The following NUAK1 variants were observed in gnomAD, a reference collection of about 807,000 sequenced individuals.
The protein encoded by NUAK1 is NUAK family kinase 1.
A neutral mutation model predicts 56.9 loss-of-function variants in NUAK1; 26 were observed. The ratio of observed to expected loss-of-function variants is 0.46; its 90% CI spans 0.33 to 0.63. The LOEUF (loss-of-function observed/expected upper bound fraction) is 0.63, where lower values mean the gene tolerates loss of function less well. NUAK1 is among the 30% of genes least tolerant of loss of function. The probability of loss-of-function intolerance (pLI) is 0.02; values close to 1 mark genes in which losing one functional copy is unlikely to be tolerated. For synonymous variants in NUAK1, 337 were observed against 336.0 expected, an observed-to-expected ratio of 1.00 and a Z score of -0.03; for missense variants, 727 against 876.1, an observed-to-expected ratio of 0.83 and a Z score of 2.15.
intron 1 of NUAK1, among the ~76,000 whole-genome samples, chr12:106,112,251 C>T (rs1361770298): frequency 6.6e-6 from 1 of 152,082 alleles, no homozygotes; most frequent in African/African-American, 2.4e-5. Flanking sequence ...ATCTCATACC[C>T]AGGCACGTTC....
At chr12:106,135,089 T>C (rs2136487173) in intron 1 of NUAK1, among the ~76,000 whole-genome samples, 1 of 152,340 alleles carries the variant, frequency 6.6e-6, no homozygotes, top group Non-Finnish European at 1.5e-5. Context: ...CTGTATTCAG[T>C]TCTCACAAGT....
intron 5 of NUAK1, 33 bp from the exon 6 acceptor site, chr12:106,070,939 T>C: frequency 6.2e-7 from 1 of 1,612,942 alleles, no homozygotes; most frequent in East Asian, 2.2e-5. Context: ...ATAGGAGAGC[T>C]GGGAAACAGA....
chr12:106,074,706 C>G (rs1006960327), intron 4 of NUAK1, among the ~76,000 whole-genome samples: 1 of 151,934 alleles, frequency 6.6e-6, no homozygotes, highest in African/African-American at 2.4e-5. Flanking sequence ...CAGAGAGAGC[C>G]CAGCCTGAAT....
Position 106,067,474 on chromosome 12 carries a change from A to G in NUAK1, c.1314T>C (p.Thr438=), listed in dbSNP as rs767451366. ...TFKMEQDLCR[T]GVLLPSSPEA... is the part of the protein sequence containing the mutation. ...CTGGTGAGCTTGGGAGGAGCACGCC[A>G]GTCCTGCACAAGTCCTGCTCCATCT... Residue 438 remains threonine, a synonymous_variant, in exon 7 of 7, where the codon ACT becomes ACC. Coordinates refer to ENST00000261402, the MANE Select transcript of NUAK1 (RefSeq NM_014840.3). The surrounding 1 kb of genome is among the most constrained non-coding windows in gnomAD (Gnocchi z 6.0). 6.2e-7 allele frequency: 1 copy of G among 1,614,202 alleles called. No individual in the cohort carries two copies. Among genetic ancestry groups the G allele is most frequent in the East Asian group, 2.2e-5 (1 of 44,876 alleles).
At chr12:106,100,068 C>T (rs545634193) in intron 2 of NUAK1, among the ~76,000 whole-genome samples, 1 of 144,662 alleles carries the variant, frequency 6.9e-6, no homozygotes, top group South Asian at 2.4e-4. Context: ...CACTTGAGCT[C>T]AAGAGTTCGA....
intron 2 of NUAK1, among the ~76,000 whole-genome samples, chr12:106,096,400 G>C (rs1188481925): frequency 1.3e-5 from 2 of 152,236 alleles, no homozygotes; most frequent in East Asian, 3.9e-4. Flanking sequence ...CATTAGAAAC[G>C]TGGCTGGACA....
At chr12:106,106,336 T>C (rs2032799598) in intron 2 of NUAK1, 69 bp downstream of exon 2, 5 of 1,420,212 alleles carry the variant, frequency 3.5e-6, no homozygotes, top group Non-Finnish European at 2.9e-6. Context: ...TATCTCAAAG[T>C]CTTGGCAGGC....
chr12:106,120,948 T>C (rs2032968023), intron 1 of NUAK1, among the ~76,000 whole-genome samples: 1 of 152,214 alleles, frequency 6.6e-6, no homozygotes. Flanking sequence ...CTCTCAGCCC[T>C]AGCAGTGCAT....
intron 1 of NUAK1, among the ~76,000 whole-genome samples, chr12:106,107,524 C>T (rs1592857468): frequency 6.6e-6 from 1 of 152,288 alleles, no homozygotes; most frequent in East Asian, 1.9e-4. Context: ...GTGACCTCAA[C>T]TCTCACCTGT....
In NUAK1 at chr12:106,138,888, A is replaced by T; in HGVS notation, c.-235T>A. ...GCCCCCCGGCCGCGGCGAGCTGTGG[A>T]GCGTCGGGCGAGGTGGCGGCGGTGG... On this transcript the variant is annotated 5_prime_UTR_variant, in exon 1 of 7. Transcript: ENST00000261402. This position sits in a 1 kb window ranked among gnomAD's most constrained non-coding sequence, Gnocchi z 5.0. 1 of 444,218 alleles carries T rather than the reference A, an allele frequency of 2.3e-6. No homozygotes were observed. The highest frequency in any genetic ancestry group is 3.7e-6 in the Non-Finnish European group (1 of 272,770). 27.5% of individuals were successfully genotyped at this position (444,218 alleles called of 1,614,324 possible).
intron 3 of NUAK1, among the ~76,000 whole-genome samples, chr12:106,084,857 A>G (rs1473457349): frequency 6.6e-6 from 1 of 152,244 alleles, no homozygotes; most frequent in Admixed American, 6.5e-5. Flanking sequence ...GATTCTGAAC[A>G]TCATTCAGCA....
At chr12:106,092,268 C>T (rs2032643363) in intron 2 of NUAK1, among the ~76,000 whole-genome samples, 1 of 152,072 alleles carries the variant, frequency 6.6e-6, no homozygotes, top group Admixed American at 6.5e-5. Context: ...CCTGTAATCC[C>T]AGCACTTTGG....
intron 4 of NUAK1, among the ~76,000 whole-genome samples, chr12:106,080,862 G>A (rs1038621747): frequency 3.3e-5 from 5 of 152,224 alleles, no homozygotes; most frequent in African/African-American, 1.2e-4. Flanking sequence ...TGGTCCCCCA[G>A]GTCCAGACAC....
At position 106,067,718 on chromosome 12, in the gene NUAK1, G is replaced by T; in HGVS notation, c.1070C>A (p.Thr357Asn). ...AKMKGLAKPT[T>N]SEVMLERQRS... ...CTGCCGCTCTAGCATGACCTCAGAGGTCGTGGGTTTGGCCAGGCCCTTCAT... is the reference window on the plus strand; with the variant it reads ...CTGCCGCTCTAGCATGACCTCAGAGTTCGTGGGTTTGGCCAGGCCCTTCAT... The change falls in exon 7 of 7, where the codon ACC (threonine) becomes AAC (asparagine). Residue 357 changes from threonine (T) to asparagine (N), a missense_variant. Physicochemically the swap from Thr to Asn is moderately conservative, Grantham distance 65. Coordinates refer to ENST00000261402, the MANE Select transcript of NUAK1 (RefSeq NM_014840.3). The surrounding 1 kb of genome is among the most constrained non-coding windows in gnomAD (Gnocchi z 6.0). The T allele has an allele frequency of 6.2e-7, 1 of 1,614,200 alleles. No homozygotes were observed. Among genetic ancestry groups the T allele is most frequent in the Middle Eastern group, 1.7e-4 (1 of 6,058 alleles).
chr12:106,094,016 C>T (rs2032666883), intron 2 of NUAK1, among the ~76,000 whole-genome samples: 1 of 151,572 alleles, frequency 6.6e-6, no homozygotes, highest in Non-Finnish European at 1.5e-5. Context: ...GCCATGTTGC[C>T]CAGGCTGGTC....
rs563461836 is a variant in NUAK1 at position 106,136,818 on chromosome 12, G to A, written c.240+1596C>T. The stretch of plus-strand genomic sequence containing the variant: ...TTTGCTTATTCAACATCCAGCCTGG[G>A]GAATATCACCTCAGAAGAAAAGCAT... On this transcript the variant is annotated intron_variant, in intron 1 of 6. Transcript: ENST00000261402. 7.2e-5 allele frequency among the ~76,000 whole-genome samples: 11 copies of A among 152,266 alleles called. No homozygotes were observed. The South Asian group carries it at 2.3e-3, about 32-fold the overall frequency.
rs527580132 is a variant in NUAK1 at position 106,095,322 on chromosome 12, T to C, written c.362-8437A>G. 7.9e-5 allele frequency among the ~76,000 whole-genome samples: 12 copies of C among 152,334 alleles called. No individual in the cohort carries two copies. The South Asian group carries it at 2.5e-3, about 32-fold the overall frequency. ...GCATGCTCCCCAATTCTGGCAGTGATGGGGGTAGAAATACCTCTGTGAAGA... is the reference window on the plus strand; with the variant it reads ...GCATGCTCCCCAATTCTGGCAGTGACGGGGGTAGAAATACCTCTGTGAAGA... On this transcript the variant is annotated intron_variant, in intron 2 of 6. Transcript: ENST00000261402.
intron 1 of NUAK1, among the ~76,000 whole-genome samples, chr12:106,130,761 C>CT (rs1424528638): frequency 6.6e-6 from 1 of 152,208 alleles, no homozygotes; most frequent in East Asian, 1.9e-4. Context: ...TGGAGGAGGC[C>CT]TTTTTTTAAT....
Position 106,067,229 on chromosome 12 carries a change from C to T in NUAK1, c.1559G>A (p.Arg520Gln), listed in dbSNP as rs117517173. 167 of 1,613,968 alleles carry T rather than the reference C, an allele frequency of 1.0e-4. No homozygotes were observed. Among genetic ancestry groups the T allele is most frequent in the Non-Finnish European group, 1.2e-4 (142 of 1,180,012 alleles). The change falls in exon 7 of 7, where the codon CGG becomes CAG. Residue 520 changes from arginine to glutamine, a missense_variant. Arg to Gln is a conservative substitution (Grantham distance 43). Coordinates refer to ENST00000261402, the MANE Select transcript of NUAK1 (RefSeq NM_014840.3). This position sits in a 1 kb window ranked among gnomAD's most constrained non-coding sequence, Gnocchi z 6.0. ...ARVTSHSLSC[R>Q]RKGILKHSSK... is the part of the protein sequence containing the mutation. ...GCTGTGTTTCAAGATGCCCTTCCTC[C>T]GGCAGGAGAGGCTGTGGGAGGTTAC... is the stretch of plus-strand genomic sequence containing the variant.
Sources: gnomAD v4.1 joint callset for allele counts (sites outside exome capture counted in the v4.1 genomes callset) on GRCh38, gnomAD v4.1.1 for gene constraint, Gnocchi (gnomAD v3.1) non-coding constraint, MANE v1.5 for transcripts, NCBI Gene and HGNC (gene_info 2026-07-23, HGNC 2026-07-21) for gene names.